GFI1B: variants seen among roughly 807,000 people sequenced by gnomAD.
GFI1B encodes the protein zinc finger protein Gfi-1b.
Under a neutral mutation model 35.3 loss-of-function variants are expected in GFI1B, and 20 were observed. The ratio of observed to expected loss-of-function variants is 0.57; its 90% confidence interval spans 0.40 to 0.82. GFI1B has a LOEUF of 0.82. GFI1B is among the 40% of genes least tolerant of loss of function. GFI1B has a pLI of 0.00. For synonymous variants in GFI1B, 178 were observed against 177.6 expected (o/e 1.00, Z -0.02); for missense variants, 430 against 446.3 (o/e 0.96, Z 0.33).
At chr9:132,984,174 C>T (rs1285144317) in intron 1 of GFI1B, among the ~76,000 whole-genome samples, 2 of 152,202 alleles carry the variant, frequency 1.3e-5, no homozygotes, top group Non-Finnish European at 2.9e-5. Context: ...CCCTCACAGG[C>T]CCCCTCAAAA....
chr9:132,978,520 C>A (rs985800935), upstream of GFI1B: 1 of 152,098 alleles, frequency 6.6e-6, no homozygotes, highest in Non-Finnish European at 1.5e-5. Context: ...GAAAGCGTGC[C>A]GCTCCAAGTG....
At chr9:132,954,599 A>G (rs1267945549) in intron 1 of GFI1B, among the ~76,000 whole-genome samples, 2 of 149,908 alleles carry the variant, frequency 1.3e-5, no homozygotes, top group African/African-American at 5.0e-5. Flanking sequence ...AGAAAAGAAA[A>G]AGAAAAGAAA....
intron 1 of GFI1B, among the ~76,000 whole-genome samples, chr9:132,979,772 C>G (rs1848755872): frequency 6.6e-6 from 1 of 152,192 alleles, no homozygotes; most frequent in Non-Finnish European, 1.5e-5. Context: ...GACATGCTCA[C>G]TCTAAAACAG....
chr9:132,970,112 T>C (rs1479316356), intron 1 of GFI1B, among the ~76,000 whole-genome samples: 1 of 152,140 alleles, frequency 6.6e-6, no homozygotes, highest in East Asian at 1.9e-4. Context: ...TAAATGGGTT[T>C]TTTATTCCCA....
In GFI1B at chr9:132,987,347, G is replaced by T. The variant is rs545885234; in HGVS notation, c.166G>T (p.Asp56Tyr). The T allele has an allele frequency of 5.0e-6, 8 of 1,614,216 alleles. No individual in the cohort carries two copies. In the East Asian group the frequency reaches 1.8e-4, roughly 36 times the overall value. ...LSTLFPNQCLDWTNLKREPEL... is the reference protein window; with the variant it reads ...LSTLFPNQCLYWTNLKREPEL... Reference sequence around the variant, plus strand: ...CACTCTATTCCCAAACCAGTGCCTGGACTGGACCAACCTCAAACGAGAGCC... The same window carrying T: ...CACTCTATTCCCAAACCAGTGCCTGTACTGGACCAACCTCAAACGAGAGCC... Residue 56 changes from aspartate (D) to tyrosine (Y), a missense_variant, in exon 3 of 7, where the codon GAC (aspartate) becomes TAC (tyrosine). Transcript: ENST00000372122.
In GFI1B at chr9:132,986,666, G is replaced by A; in HGVS notation, c.-13G>A. ...CATCCCTCCCCCTTGCAGGTGTGGGGTGCACACTGAAAATGCCACGCTCCT... is the reference window on the plus strand; with the variant it reads ...CATCCCTCCCCCTTGCAGGTGTGGGATGCACACTGAAAATGCCACGCTCCT... On this transcript the variant is annotated 5_prime_UTR_variant, in exon 2 of 7. It adds an upstream start codon to the 5' untranslated region. Coordinates refer to ENST00000372122, the MANE Select transcript of GFI1B (RefSeq NM_001377304.1). 3 of 1,556,944 alleles carry A rather than the reference G, an allele frequency of 1.9e-6. No individual in the cohort carries two copies. Among genetic ancestry groups the A allele is most frequent in the Non-Finnish European group, 2.7e-6 (3 of 1,131,710 alleles).
intron 1 of GFI1B, among the ~76,000 whole-genome samples, chr9:132,970,807 T>G (rs998257058): frequency 1.3e-5 from 2 of 152,162 alleles, no homozygotes; most frequent in East Asian, 1.9e-4. Context: ...CAGAGTGGGA[T>G]TTCTGTGAGT....
At chr9:132,979,810 C>G (rs1848756926) in intron 1 of GFI1B, among the ~76,000 whole-genome samples, 2 of 152,172 alleles carry the variant, frequency 1.3e-5, no homozygotes, top group African/African-American at 4.8e-5. Flanking sequence ...TCTGCAGAAT[C>G]GCCGTGGGTA....
chr9:132,979,382 G>T (rs1848737196), intron 1 of GFI1B, among the ~76,000 whole-genome samples: 1 of 151,342 alleles, frequency 6.6e-6, no homozygotes, highest in Non-Finnish European at 1.5e-5. Flanking sequence ...TGGGATTACA[G>T]GCGCGTGTTA....
intron 1 of GFI1B, chr9:132,946,460 C>G (rs1364759257): frequency 6.6e-6 from 1 of 152,198 alleles, no homozygotes; most frequent in Non-Finnish European, 1.5e-5. Flanking sequence ...CTTCCAGAAA[C>G]GGGTCCACCA....
chr9:132,989,639 C>G lies in GFI1B; in HGVS notation c.649-103C>G. 1 of 903,996 alleles carries G rather than the reference C, an allele frequency of 1.1e-6. No homozygotes were observed. The highest frequency in any genetic ancestry group is 1.8e-6 in the Non-Finnish European group (1 of 568,862). 56.0% of individuals were successfully genotyped at this position (903,996 alleles called of 1,614,324 possible). A position where few individuals can be genotyped will look rare whatever the true frequency, so the allele number is the denominator to read the frequency against. Reference sequence around the variant, plus strand: ...AGATGAGGGGTCCCCCGGTCCTGCTCCTCCAGGCCGCCCCAATGGAGTGTC... The same window carrying G: ...AGATGAGGGGTCCCCCGGTCCTGCTGCTCCAGGCCGCCCCAATGGAGTGTC... On this transcript the variant is annotated intron_variant, in intron 5 of 6. Transcript: ENST00000372122. The surrounding 1 kb of genome is among the most constrained non-coding windows in gnomAD (Gnocchi z 6.2).
intron 1 of GFI1B, among the ~76,000 whole-genome samples, chr9:132,980,681 C>G (rs1848792962): frequency 6.6e-6 from 1 of 152,158 alleles, no homozygotes; most frequent in Non-Finnish European, 1.5e-5. Flanking sequence ...ACTTCCATTC[C>G]CTTCCCCTCA....
intron 1 of GFI1B, among the ~76,000 whole-genome samples, chr9:132,970,245 C>A (rs1336877116): frequency 6.6e-6 from 1 of 152,094 alleles, no homozygotes; most frequent in Non-Finnish European, 1.5e-5. Context: ...TGGGTCCAAG[C>A]CTCCCTGACC....
chr9:132,966,834 C>T (rs985866313), intron 1 of GFI1B, among the ~76,000 whole-genome samples: 11 of 152,218 alleles, frequency 7.2e-5, no homozygotes, highest in Non-Finnish European at 1.6e-4. Context: ...GTATCCGTGC[C>T]TAAAACATCT....
intron 2 of GFI1B, 46 bp from the exon 3 acceptor site, chr9:132,987,236 C>T (rs756928539): frequency 6.2e-7 from 1 of 1,602,546 alleles, no homozygotes; most frequent in Non-Finnish European, 8.5e-7. Flanking sequence ...CTCTGGGCTT[C>T]CCAGAAACCG....
chr9:132,986,599 G>T, intron 1 of GFI1B, 60 bp from the exon 2 acceptor site: 1 of 835,476 alleles, frequency 1.2e-6, no homozygotes, highest in South Asian at 1.4e-5. Context: ...GAGGTTCTGA[G>T]ATATGGAGGG....
In GFI1B at chr9:132,956,661, C is replaced by T. The variant is rs150486140; in HGVS notation, c.-701+10992C>T. ...TTCCCTTTTGGGGAAGAATTTTGAC[C>T]AAAGAATGCATTAGTTGTCTATTGC... On this transcript the variant is annotated intron_variant, in intron 1 of 10. Coordinates refer to the GFI1B transcript ENST00000339463. Among the ~76,000 whole-genome samples the T allele has an allele frequency of 6.5e-3, 988 of 152,294 alleles. 15 individuals are homozygous for T. Among genetic ancestry groups the T allele is most frequent in the African/African-American group, 0.022 (913 of 41,544 alleles).
chr9:132,972,219 C>G (rs1848542944), intron 1 of GFI1B, among the ~76,000 whole-genome samples: 1 of 152,012 alleles, frequency 6.6e-6, no homozygotes, highest in Non-Finnish European at 1.5e-5. Context: ...GTAAGGAATT[C>G]AAGACCAGCC....
At chr9:132,966,388 A>G (rs1181717752) in intron 1 of GFI1B, among the ~76,000 whole-genome samples, 1 of 152,074 alleles carries the variant, frequency 6.6e-6, no homozygotes, top group African/African-American at 2.4e-5. Context: ...AAAGAACAAG[A>G]ACAAGAAAAA....
Sources: gnomAD v4.1 joint callset for allele counts (sites outside exome capture counted in the v4.1 genomes callset) on GRCh38, gnomAD v4.1.1 for gene constraint, Gnocchi (gnomAD v3.1) non-coding constraint, MANE v1.5 for transcripts, NCBI Gene and HGNC (gene_info 2026-07-23, HGNC 2026-07-21) for gene names.